RGS3: variants seen among roughly 807,000 people sequenced by gnomAD.
The protein encoded by RGS3 is regulator of G protein signaling 3.
Under a neutral mutation model 132.6 loss-of-function variants are expected in RGS3, and 80 were observed. The observed-to-expected ratio is 0.60, with a 90% CI of 0.50 to 0.73. RGS3 has a LOEUF of 0.73. RGS3 is among the 30% of genes least tolerant of loss of function. RGS3 has a pLI of 0.00. For synonymous variants in RGS3, 598 were observed against 620.6 expected (o/e 0.96, Z 0.54); for missense variants, 1,382 against 1,530.8 (o/e 0.90, Z 1.62).
At chr9:113,549,714 T>A (rs958705734) in intron 19 of RGS3, among the ~76,000 whole-genome samples, 1 of 152,252 alleles carries the variant, frequency 6.6e-6, no homozygotes, top group African/African-American at 2.4e-5. Flanking sequence ...CTCCCCCATT[T>A]AACAGCGTAG....
intron 3 of RGS3, among the ~76,000 whole-genome samples, chr9:113,470,195 C>T (rs1405497205): frequency 1.3e-5 from 2 of 151,990 alleles, no homozygotes; most frequent in African/African-American, 4.8e-5. Flanking sequence ...TATAAATGTT[C>T]TTTGTGTATT....
chr9:113,595,017 TCTCC>T, intron 23 of RGS3, 37 bp downstream of exon 21: 1 of 1,593,784 alleles, frequency 6.3e-7, no homozygotes, highest in Non-Finnish European at 8.6e-7. Context: ...CTGTGCCCTC[TCTCC>T]CTCTCCCCTT....
intron 19 of RGS3, among the ~76,000 whole-genome samples, chr9:113,542,800 C>A (rs1832957626): frequency 6.6e-6 from 1 of 152,232 alleles, no homozygotes; most frequent in Non-Finnish European, 1.5e-5. Context: ...GCTGTGCTGT[C>A]TTTCTGTCCC....
In RGS3 at chr9:113,488,281, G is replaced by A. The variant is rs560393965; in HGVS notation, c.689+2588G>A. On this transcript the variant is annotated intron_variant, in intron 7 of 24. Coordinates refer to ENST00000350696, the Ensembl canonical transcript of RGS3. ...GTGGAGGTGAGTCAGCTTGGGATAC[G>A]GTGAGATGCAGGTGCTTGGAGGGGA... is the stretch of plus-strand genomic sequence containing the variant. 2.6e-5 allele frequency among the ~76,000 whole-genome samples: 4 copies of A among 152,288 alleles called. No homozygotes were observed. The South Asian group carries it at 6.2e-4, about 24-fold the overall frequency.
chr9:113,589,739 C>T lies in RGS3; in HGVS notation c.3016-1594C>T, dbSNP rs368958358. Among the ~76,000 whole-genome samples, 85 of 152,308 alleles carry T rather than the reference C, an allele frequency of 5.6e-4. 1 individual carries two copies. Among genetic ancestry groups the T allele is most frequent in the African/African-American group, 1.9e-3 (78 of 41,556 alleles). ...GGTGACAGTGGTAACACTCACTGGGCAATGACCACTGGTTACTGAGGTTAG... is the reference window on the plus strand; with the variant it reads ...GGTGACAGTGGTAACACTCACTGGGTAATGACCACTGGTTACTGAGGTTAG... On this transcript the variant is annotated intron_variant, in intron 20 of 24. Transcript: ENST00000350696.
In RGS3 at chr9:113,583,978, A is replaced by G. The variant is rs372543769; in HGVS notation, c.2566A>G (p.Ile856Val). 1.9e-6 allele frequency: 3 copies of G among 1,613,930 alleles called. No individual in the cohort carries two copies. In the African/African-American group the frequency reaches 4.0e-5, roughly 22 times the overall value. ...TGCGGCCCCCAGGCCAGCCTTCGTG[A>G]TCCCTGAGGTCCGGCTGGATAGCAC... Residue 856 changes from isoleucine (I) to valine (V), a missense_variant, in exon 20 of 25, where the codon ATC becomes GTC. Transcript: ENST00000350696.
exon 25 of RGS3, chr9:113,597,205 C>G (rs1588314013): frequency 2.4e-6 from 1 of 416,146 alleles, no homozygotes; most frequent in South Asian, 3.8e-5. Context: ...GTCAGGGGCC[C>G]TGGCCAAGCC....
chr9:113,507,250 C>T lies in RGS3; in HGVS notation c.1086-37C>T. The T allele has an allele frequency of 6.5e-7, 1 of 1,544,288 alleles. No homozygotes were observed. The highest frequency in any genetic ancestry group is 8.8e-7 in the Non-Finnish European group (1 of 1,136,460). ...CACTCTGGCTGATACTGGCTTTCCC[C>T]AGGCTCAACCTGTCTGTGTGATCCC... On this transcript the variant is annotated intron_variant, in intron 12 of 24. Coordinates refer to ENST00000350696, the Ensembl canonical transcript of RGS3. This position sits in a 1 kb window ranked among gnomAD's most constrained non-coding sequence, Gnocchi z 5.0.
intron 19 of RGS3, among the ~76,000 whole-genome samples, chr9:113,556,140 G>T (rs2118781717): frequency 6.6e-6 from 1 of 152,264 alleles, no homozygotes; most frequent in East Asian, 1.9e-4. Flanking sequence ...TGTTTTAAGA[G>T]CAGTTTTTCC....
chr9:113,596,969 A>C (rs767650392), exon 25 of RGS3: 10 of 1,583,412 alleles, frequency 6.3e-6, no homozygotes, highest in Non-Finnish European at 7.7e-6. Context: ...ACTGGAGTCG[A>C]GCTCAGCGTT....
intron 19 of RGS3, among the ~76,000 whole-genome samples, chr9:113,567,788 C>T (rs1764356880): frequency 6.6e-6 from 1 of 152,246 alleles, no homozygotes; most frequent in South Asian, 2.1e-4. Context: ...TTTGCACAGA[C>T]TACAGGGGAT....
At position 113,568,061 on chromosome 9, in the gene RGS3, C is replaced by T. The variant is rs76917201; in HGVS notation, c.2038-15389C>T. Among the ~76,000 whole-genome samples, 250 of 152,342 alleles carry T rather than the reference C, an allele frequency of 1.6e-3. 2 individuals are homozygous for T. The highest frequency in any genetic ancestry group is 5.5e-3 in the African/African-American group (230 of 41,576). On this transcript the variant is annotated intron_variant, in intron 19 of 24. Transcript: ENST00000350696. ...TTTTGCCATTAAGAGTAATGTAAAA[C>T]CGCAATTACTTTTGCACCAAACTAT...
intron 19 of RGS3, chr9:113,564,849 T>C: frequency 2.3e-6 from 2 of 876,724 alleles, no homozygotes; most frequent in Non-Finnish European, 2.7e-6. Flanking sequence ...CAGCGTGTGC[T>C]GGCTGCAGGA....
chr9:113,460,734 T>A (rs1829452636), intron 1 of RGS3, among the ~76,000 whole-genome samples: 1 of 152,204 alleles, frequency 6.6e-6, no homozygotes, highest in Non-Finnish European at 1.5e-5. Flanking sequence ...TTCCCTTTGT[T>A]ATTATTTTTC....
chr9:113,568,392 C>G (rs1452249636), intron 19 of RGS3, among the ~76,000 whole-genome samples: 1 of 152,262 alleles, frequency 6.6e-6, no homozygotes, highest in African/African-American at 2.4e-5. Context: ...ACCTTCTCGT[C>G]CCTTCTTACT....
At chr9:113,482,340 T>A (rs1005588582) in intron 4 of RGS3, among the ~76,000 whole-genome samples, 2 of 152,356 alleles carry the variant, frequency 1.3e-5, no homozygotes, top group Middle Eastern at 3.4e-3. Context: ...ACAACTACCA[T>A]GTGAAGTGCA....
chr9:113,548,055 T>G (rs1443026755), intron 19 of RGS3, among the ~76,000 whole-genome samples: 1 of 152,192 alleles, frequency 6.6e-6, no homozygotes, highest in African/African-American at 2.4e-5. Flanking sequence ...AATATAGTAT[T>G]TATTTTATGA....
Position 113,591,502 on chromosome 9 carries a change from C to A in RGS3, c.3080+105C>A. On this transcript the variant is annotated intron_variant, in intron 21 of 24. Coordinates refer to ENST00000350696, the Ensembl canonical transcript of RGS3. This position sits in a 1 kb window ranked among gnomAD's most constrained non-coding sequence, Gnocchi z 4.4. ...TGGGGAGAAGAGGTTGTGCCTGGTCCCGCCCACAACCCCAGACAGACACCA... is the reference window on the plus strand; with the variant it reads ...TGGGGAGAAGAGGTTGTGCCTGGTCACGCCCACAACCCCAGACAGACACCA... 1 of 969,046 alleles carries A rather than the reference C, an allele frequency of 1.0e-6. No individual in the cohort carries two copies. Among genetic ancestry groups the A allele is most frequent in the Non-Finnish European group, 1.7e-6 (1 of 605,292 alleles). 60.0% of individuals were successfully genotyped at this position (969,046 alleles called of 1,614,324 possible).
At chr9:113,495,152 G>A (rs1282181190) in intron 7 of RGS3, among the ~76,000 whole-genome samples, 1 of 152,218 alleles carries the variant, frequency 6.6e-6, no homozygotes, top group Non-Finnish European at 1.5e-5. Context: ...TGGCATTACA[G>A]GCGTGAGCCA....
Sources: allele counts gnomAD v4.1 joint callset (sites outside exome capture counted in the v4.1 genomes callset), GRCh38; gene constraint gnomAD v4.1.1; non-coding constraint Gnocchi (gnomAD v3.1); transcripts MANE v1.5; gene names NCBI Gene and HGNC (gene_info 2026-07-23, HGNC 2026-07-21).